The following USP37 variants were observed in gnomAD, a reference collection of about 807,000 sequenced individuals.
The protein encoded by USP37 is ubiquitin specific peptidase 37.
Under a neutral mutation model 124.0 loss-of-function variants are expected in USP37, and 27 were observed. The observed-to-expected ratio is 0.22, with a 90% CI of 0.16 to 0.30. USP37 has a LOEUF of 0.30. Among genes scored for constraint, USP37 ranks in the 10% least tolerant of loss-of-function variants. USP37 has a pLI of 1.00. For synonymous variants in USP37, 365 were observed against 388.0 expected (o/e 0.94, Z 0.70); for missense variants, 889 against 1,140.4 (o/e 0.78, Z 3.17).
At chr2:218,476,606 T>G (rs1018761262) in intron 19 of USP37, among the ~76,000 whole-genome samples, 1 of 152,124 alleles carries the variant, frequency 6.6e-6, no homozygotes, top group African/African-American at 2.4e-5. Context: ...AGCAAGTAAT[T>G]ATTTGAGGAC....
At chr2:218,560,468 C>T (rs1407675601) in intron 3 of USP37, among the ~76,000 whole-genome samples, 1 of 152,164 alleles carries the variant, frequency 6.6e-6, no homozygotes. Flanking sequence ...ACTCAGCAGA[C>T]AGCAGTAATT....
chr2:218,550,576 G>A (rs567513066), intron 5 of USP37, among the ~76,000 whole-genome samples: 11 of 133,538 alleles, frequency 8.2e-5, no homozygotes, highest in East Asian at 2.2e-4. Flanking sequence ...ATTACTGAGC[G>A]AACATACAAT....
intron 8 of USP37, among the ~76,000 whole-genome samples, chr2:218,535,681 C>G (rs1015247337): frequency 1.3e-5 from 2 of 151,854 alleles, no homozygotes; most frequent in African/African-American, 4.8e-5. Flanking sequence ...ACAGTGAAAC[C>G]CTGTCTCTAC....
intron 10 of USP37, among the ~76,000 whole-genome samples, chr2:218,522,822 G>A (rs1451634011): frequency 6.6e-6 from 1 of 152,050 alleles, no homozygotes; most frequent in East Asian, 1.9e-4. Flanking sequence ...TACAGGTTGA[G>A]TATCCCTGAA....
chr2:218,528,509 T>C (rs1691107136), intron 10 of USP37: 1 of 298,144 alleles, frequency 3.4e-6, no homozygotes, highest in African/African-American at 2.2e-5. Context: ...CACTTATGAG[T>C]AAGAATATGT....
intron 24 of USP37, 120 bp from the exon 25 acceptor site, chr2:218,455,838 G>C (rs2106402454): frequency 1.9e-6 from 2 of 1,062,690 alleles, no homozygotes; most frequent in East Asian, 5.5e-5. Context: ...ACGAGGTCAG[G>C]AGTTTGAGAC....
At chr2:218,561,458 G>C (rs1470334693) in intron 2 of USP37, among the ~76,000 whole-genome samples, 1 of 152,142 alleles carries the variant, frequency 6.6e-6, no homozygotes, top group Non-Finnish European at 1.5e-5. Context: ...AGGAGTTTGA[G>C]ACCAGCCTGG....
intron 21 of USP37, among the ~76,000 whole-genome samples, chr2:218,463,702 AT>A (rs1690155725): frequency 6.6e-6 from 1 of 151,112 alleles, no homozygotes; most frequent in Admixed American, 6.6e-5. Flanking sequence ...CGTCTAGCTA[AT>A]TTTTTGTATT....
intron 9 of USP37, among the ~76,000 whole-genome samples, chr2:218,533,914 A>G (rs778413312): frequency 1.3e-5 from 2 of 152,238 alleles, no homozygotes; most frequent in Non-Finnish European, 2.9e-5. Flanking sequence ...ACAGGGTAGA[A>G]GGTTAAGTTT....
Position 218,488,303 on chromosome 2 carries a change from C to A in USP37, c.1590+1G>T. On this transcript the variant is annotated splice_donor_variant, in intron 15 of 25. Transcript: ENST00000258399. LOFTEE classifies it high-confidence loss of function. ...GTGAAAATACAAAAGATATTATTTA[C>A]CCTAAAGAAAAGATCAAGAGAATCT... 6.4e-7 allele frequency: 1 copy of A among 1,560,534 alleles called. No individual in the cohort carries two copies. The highest frequency in any genetic ancestry group is 1.8e-5 in the Admixed American group (1 of 55,466).
intron 5 of USP37, among the ~76,000 whole-genome samples, chr2:218,552,300 G>GA (rs1692711327): frequency 2.0e-5 from 3 of 152,124 alleles, no homozygotes. Context: ...TATTTAAGTT[G>GA]AAAAAATTCA....
In USP37 at chr2:218,454,699, G is replaced by T; in HGVS notation, c.*231C>A. On this transcript the variant is annotated 3_prime_UTR_variant, in exon 26 of 26. Transcript: ENST00000258399. ...CATGTATTCCTAAGACAAAAGAAGT[G>T]CCACTCATAGGAGAAAAAGAGGATA... 1.4e-6 allele frequency: 1 copy of T among 699,856 alleles called. No individual in the cohort carries two copies. The highest frequency in any genetic ancestry group is 2.2e-6 in the Non-Finnish European group (1 of 455,684). 43.4% of individuals were successfully genotyped at this position (699,856 alleles called of 1,614,324 possible).
At chr2:218,567,552 C>G (rs942059356) in intron 1 of USP37, among the ~76,000 whole-genome samples, 3 of 152,142 alleles carry the variant, frequency 2.0e-5, no homozygotes, top group East Asian at 1.9e-4. Flanking sequence ...CAGTTAGACA[C>G]TTGTCAGGAA....
intron 20 of USP37, among the ~76,000 whole-genome samples, chr2:218,473,024 GTTCTT>G (rs1690779450): frequency 1.3e-5 from 2 of 152,052 alleles, no homozygotes; most frequent in Non-Finnish European, 2.9e-5. Context: ...TTTTTCTAGT[GTTCTT>G]TTAAGTACAG....
At chr2:218,516,207 A>G (rs1690269100) in intron 10 of USP37, among the ~76,000 whole-genome samples, 1 of 152,340 alleles carries the variant, frequency 6.6e-6, no homozygotes, top group South Asian at 2.1e-4. Context: ...AAAGGATTAT[A>G]TATCATTCTA....
At chr2:218,564,806 G>C (rs1429337356) in intron 1 of USP37, among the ~76,000 whole-genome samples, 1 of 152,096 alleles carries the variant, frequency 6.6e-6, no homozygotes, top group African/African-American at 2.4e-5. Context: ...TCACTACCTA[G>C]AAAATAAAAT....
chr2:218,468,046 C>A (rs1487469311), intron 20 of USP37, among the ~76,000 whole-genome samples: 1 of 149,670 alleles, frequency 6.7e-6, no homozygotes, highest in Non-Finnish European at 1.5e-5. Context: ...CACCACCACA[C>A]CTGGCTAATT....
intron 3 of USP37, among the ~76,000 whole-genome samples, chr2:218,559,109 C>T (rs553265383): frequency 6.6e-6 from 1 of 151,926 alleles, no homozygotes; most frequent in African/African-American, 2.4e-5. Flanking sequence ...GAATTTGAGA[C>T]CAGCCTGGGC....
intron 10 of USP37, among the ~76,000 whole-genome samples, chr2:218,522,341 T>C (rs981188784): frequency 5.3e-5 from 8 of 151,578 alleles, no homozygotes; most frequent in East Asian, 1.9e-4. Context: ...AGAGGGAGGA[T>C]TGCCAGAGGC....
Sources: allele counts gnomAD v4.1 joint callset (sites outside exome capture counted in the v4.1 genomes callset), GRCh38; gene constraint gnomAD v4.1.1; transcripts MANE v1.5; gene names NCBI Gene and HGNC (gene_info 2026-07-23, HGNC 2026-07-21).